Variants in FAM20C observed in about 807,000 individuals in gnomAD.
The protein encoded by FAM20C is FAM20C golgi associated secretory pathway kinase.
In FAM20C, 40 loss-of-function variants were observed where a neutral mutation model predicts 51.5. The ratio of observed to expected loss-of-function variants is 0.78; its 90% CI spans 0.60 to 1.01. The LOEUF is 1.01. Ranked by LOEUF, FAM20C falls within the 50% of genes least tolerant of loss-of-function variation. The pLI is 0.00. For missense variants in FAM20C, 861 were observed against 844.7 expected, an observed-to-expected ratio of 1.02 and a Z score of -0.24; for synonymous variants, 406 against 380.6, an observed-to-expected ratio of 1.07 and a Z score of -0.78.
intron 5 of FAM20C, among the ~76,000 whole-genome samples, chr7:253,604 G>C (rs1157287344): frequency 6.6e-6 from 1 of 152,244 alleles, no homozygotes; most frequent in African/African-American, 2.4e-5. Flanking sequence ...GCCTCCCGTG[G>C]CTTCTTTGTG....
Position 259,916 on chromosome 7 carries a change from A to T in FAM20C, c.1691A>T (p.Asn564Ile), listed in dbSNP as rs752735023. 6.5e-7 allele frequency: 1 copy of T among 1,534,426 alleles called. No homozygotes were observed. Among genetic ancestry groups the T allele is most frequent in the Admixed American group, 2.0e-5 (1 of 50,978 alleles). ...LKAVRDCVER[N>I]GLHSVVDDDL... The stretch of plus-strand genomic sequence containing the variant: ...GCCGTCCGGGACTGCGTGGAGAGGA[A>T]CGGGCTCCACAGCGTGGTGGATGAC... Residue 564 changes from asparagine (N) to isoleucine (I), a missense_variant, in exon 10 of 10, where the codon AAC (asparagine) becomes ATC (isoleucine). By Grantham distance (149) the Asn-to-Ile change is moderately radical. This residue lies in a region of FAM20C where 269 missense variants were observed against 283.8 expected (regional missense o/e 0.95). Coordinates refer to ENST00000313766, the MANE Select transcript of FAM20C (RefSeq NM_020223.4).
intron 3 of FAM20C, among the ~76,000 whole-genome samples, chr7:233,262 C>T (rs1562387403): frequency 1.3e-5 from 2 of 152,208 alleles, no homozygotes; most frequent in Non-Finnish European, 2.9e-5. Flanking sequence ...GCAGTGCCTT[C>T]TCTCGATCAT....
intron 2 of FAM20C, among the ~76,000 whole-genome samples, chr7:197,800 C>T (rs779073914): frequency 3.9e-5 from 6 of 152,216 alleles, no homozygotes; most frequent in Non-Finnish European, 8.8e-5. Context: ...GTGCCAGGAG[C>T]TCCCAGAGCA....
chr7:235,956 T>C (rs1321399675), intron 3 of FAM20C, among the ~76,000 whole-genome samples: 1 of 152,224 alleles, frequency 6.6e-6, no homozygotes, highest in Non-Finnish European at 1.5e-5. Flanking sequence ...CCGCTGGATC[T>C]GATAACATCT....
At chr7:214,061 C>T (rs549625227) in intron 3 of FAM20C, among the ~76,000 whole-genome samples, 1 of 152,330 alleles carries the variant, frequency 6.6e-6, no homozygotes, top group East Asian at 1.9e-4. Context: ...CACAGTAGCT[C>T]ACGCCTGTAA....
chr7:203,446 G>A (rs1420089589), intron 2 of FAM20C, among the ~76,000 whole-genome samples: 1 of 152,222 alleles, frequency 6.6e-6, no homozygotes, highest in Non-Finnish European at 1.5e-5. Context: ...GGAGGGCAGG[G>A]GTGACCCGAT....
At chr7:248,842 C>T (rs945348322) in intron 5 of FAM20C, among the ~76,000 whole-genome samples, 9 of 151,782 alleles carry the variant, frequency 5.9e-5, no homozygotes, top group African/African-American at 1.9e-4. Flanking sequence ...TAGCCTGGCA[C>T]GGGGGCCCGC....
intron 9 of FAM20C, 28 bp downstream of exon 9, chr7:258,733 G>C (rs1187865699): frequency 2.0e-6 from 3 of 1,528,994 alleles, no homozygotes; most frequent in Non-Finnish European, 2.6e-6. Context: ...GCCGGCTCCA[G>C]CTCCACCCTC....
rs1786726710 is a variant in FAM20C at position 211,777 on chromosome 7, G to A, written c.863+2801G>A. Among the ~76,000 whole-genome samples the A allele has an allele frequency of 5.3e-5, 8 of 152,330 alleles. No homozygotes were observed. In the South Asian group the frequency reaches 1.7e-3, roughly 32 times the overall value. ...GTTGGGGAAACTGAGGCCCGGAAAG[G>A]GAAAGGATACGTCCAAGGCCGTGGC... is the stretch of plus-strand genomic sequence containing the variant. On this transcript the variant is annotated intron_variant, in intron 3 of 9. Coordinates refer to ENST00000313766, the MANE Select transcript of FAM20C (RefSeq NM_020223.4).
chr7:193,245 G>T lies in FAM20C; in HGVS notation c.46G>T (p.Val16Leu), dbSNP rs150401144. The change falls in exon 1 of 10, where the codon GTG becomes TTG. Residue 16 changes from valine (V) to leucine (L), a missense_variant. Transcript: ENST00000313766. ...VRRFRVLILM[V>L]FLVACALHIA... is the part of the protein sequence containing the mutation. ...CCGGTTCCGCGTGCTCATCCTGATGGTGTTCCTGGTGGCCTGCGCGCTGCA... is the reference window on the plus strand; with the variant it reads ...CCGGTTCCGCGTGCTCATCCTGATGTTGTTCCTGGTGGCCTGCGCGCTGCA... 2.0e-3 allele frequency: 2,911 copies of T among 1,466,390 alleles called. 46 individuals carry two copies. The African/African-American group carries it at 0.039, about 20-fold the overall frequency. 90.8% of individuals were successfully genotyped at this position (1,466,390 alleles called of 1,614,324 possible).
intron 3 of FAM20C, among the ~76,000 whole-genome samples, chr7:237,711 T>C (rs1044009408): frequency 7.2e-6 from 1 of 139,834 alleles, no homozygotes; most frequent in African/African-American, 2.7e-5. Flanking sequence ...ATAATGATGA[T>C]AATGGTGATG....
chr7:250,191 T>A (rs1395064732), intron 5 of FAM20C, among the ~76,000 whole-genome samples: 2 of 152,196 alleles, frequency 1.3e-5, no homozygotes, highest in Non-Finnish European at 2.9e-5. Context: ...ATGTTTCAGA[T>A]CGATGTACGG....
At chr7:229,048 A>T in intron 3 of FAM20C, 2 of 348,416 alleles carry the variant, frequency 5.7e-6, no homozygotes, top group Non-Finnish European at 1.1e-5. Context: ...CACCACCAAG[A>T]TGCCTCCCTG....
chr7:216,987 C>T (rs181250261), intron 3 of FAM20C, among the ~76,000 whole-genome samples: 2 of 152,202 alleles, frequency 1.3e-5, no homozygotes, highest in Admixed American at 1.3e-4. Context: ...GGCCTCATCC[C>T]AAGCAGCATC....
intron 5 of FAM20C, among the ~76,000 whole-genome samples, chr7:250,300 A>G (rs1445699071): frequency 2.0e-5 from 3 of 152,170 alleles, no homozygotes; most frequent in Admixed American, 2.0e-4. Context: ...GGGCTCACCG[A>G]GATCCTCATT....
intron 2 of FAM20C, 116 bp downstream of exon 2, chr7:195,848 G>T: frequency 9.7e-7 from 1 of 1,035,578 alleles, no homozygotes; most frequent in Non-Finnish European, 1.3e-6. Context: ...TTACGGCAGC[G>T]TCACCTCCTG....
rs114748888 is a variant in FAM20C at position 203,284 on chromosome 7, G to A, written c.785-5614G>A. Among the ~76,000 whole-genome samples the A allele has an allele frequency of 2.8e-3, 421 of 152,370 alleles. 3 individuals are homozygous for A. Among genetic ancestry groups the A allele is most frequent in the African/African-American group, 9.2e-3 (382 of 41,590 alleles). ...TCCGTCAGTCCCGTCCCCAGGACCTGTGCCCACACGCCTGGGCTTCTCCCA... is the reference window on the plus strand; with the variant it reads ...TCCGTCAGTCCCGTCCCCAGGACCTATGCCCACACGCCTGGGCTTCTCCCA... On this transcript the variant is annotated intron_variant, in intron 2 of 9. Transcript: ENST00000313766.
chr7:219,142 G>A (rs1389989270), intron 3 of FAM20C, among the ~76,000 whole-genome samples: 1 of 152,140 alleles, frequency 6.6e-6, no homozygotes, highest in Non-Finnish European at 1.5e-5. Flanking sequence ...TGCGGTTCTT[G>A]TCCCTTCTCC....
At position 216,662 on chromosome 7, in the gene FAM20C, T is replaced by A. The variant is rs193275413; in HGVS notation, c.863+7686T>A. On this transcript the variant is annotated intron_variant, in intron 3 of 9. Coordinates refer to ENST00000313766, the MANE Select transcript of FAM20C (RefSeq NM_020223.4). ...GTGTGAGTGTGTGTGAGTGTGTGTG[T>A]GAGAGACAGAGTGTGTGTGAGAGTG... Among the ~76,000 whole-genome samples the A allele has an allele frequency of 3.6e-4, 49 of 136,788 alleles. No homozygotes were observed. The East Asian group carries it at 4.1e-3, about 11-fold the overall frequency. 89.7% of individuals were successfully genotyped at this position (136,788 alleles called of 152,430 possible). A position where few individuals can be genotyped will look rare whatever the true frequency, so the allele number is the denominator to read the frequency against.
Sources: allele counts gnomAD v4.1 joint callset (sites outside exome capture counted in the v4.1 genomes callset), GRCh38; gene constraint gnomAD v4.1.1; regional missense constraint gnomAD v4.1.1; transcripts MANE v1.5; gene names NCBI Gene and HGNC (gene_info 2026-07-23, HGNC 2026-07-21).